Variants in PPP3R1 observed in about 807,000 individuals in gnomAD.
PPP3R1 encodes calcineurin subunit B type 1.
A neutral mutation model predicts 22.6 loss-of-function variants in PPP3R1; 5 were observed. The ratio of observed to expected loss-of-function variants is 0.22; its 90% CI spans 0.12 to 0.46. The LOEUF (loss-of-function observed/expected upper bound fraction) is 0.46, where lower values mean the gene tolerates loss of function less well. Among genes scored for constraint, PPP3R1 ranks in the 20% least tolerant of loss-of-function variants. The pLI, the probability that PPP3R1 is intolerant of heterozygous loss-of-function variation, is 0.99. For missense variants in PPP3R1, 61 were observed against 203.2 expected (o/e 0.30, Z 4.25); for synonymous variants, 56 against 65.2 (o/e 0.86, Z 0.68).
intron 2 of PPP3R1, among the ~76,000 whole-genome samples, chr2:68,206,655 C>T (rs1168679027): frequency 6.6e-6 from 1 of 152,126 alleles, no homozygotes; most frequent in African/African-American, 2.4e-5. Context: ...ATTTCCTTAA[C>T]CAAAGGTCAT....
chr2:68,226,980 T>C (rs1558639661), intron 1 of PPP3R1, among the ~76,000 whole-genome samples: 1 of 152,114 alleles, frequency 6.6e-6, no homozygotes, highest in African/African-American at 2.4e-5. Context: ...AAGTAATATT[T>C]ATAGTTCACA....
chr2:68,191,327 C>T (rs975706457), intron 2 of PPP3R1, among the ~76,000 whole-genome samples: 2 of 152,178 alleles, frequency 1.3e-5, no homozygotes, highest in Non-Finnish European at 2.9e-5. Flanking sequence ...GTACTGAATA[C>T]TGTAGGCAAT....
At chr2:68,191,644 A>C (rs61101396) in intron 2 of PPP3R1, among the ~76,000 whole-genome samples, 2,083 of 152,300 alleles carry the variant, frequency 0.014, 46 homozygotes, top group African/African-American at 0.048. Flanking sequence ...GCTCCATTAT[A>C]ATCTTACGGA....
intron 1 of PPP3R1, among the ~76,000 whole-genome samples, chr2:68,245,295 G>A (rs1352096656): frequency 6.6e-6 from 1 of 152,124 alleles, no homozygotes; most frequent in African/African-American, 2.4e-5. Context: ...CTGGGAGGTG[G>A]AGGCTGCAAT....
chr2:68,204,321 A>G (rs1675058036), intron 2 of PPP3R1, among the ~76,000 whole-genome samples: 1 of 94,710 alleles, frequency 1.1e-5, no homozygotes, highest in Non-Finnish European at 2.1e-5. Context: ...ATATACATAT[A>G]TATACACACA....
intron 2 of PPP3R1, among the ~76,000 whole-genome samples, chr2:68,190,856 G>A (rs115981587): frequency 2.0e-5 from 3 of 152,286 alleles, no homozygotes; most frequent in Non-Finnish European, 2.9e-5. Flanking sequence ...ACTTCAACCT[G>A]CACCATACCT....
Position 68,244,321 on chromosome 2 carries a change from T to C in PPP3R1, c.3+7804A>G, listed in dbSNP as rs367800038. 1.8e-4 allele frequency among the ~76,000 whole-genome samples: 28 copies of C among 152,340 alleles called. No homozygotes were observed. In the East Asian group the frequency reaches 3.5e-3, roughly 19 times the overall value. ...CCTAGCTACCATTTAGTTATATTTA[T>C]TTATTACCTTGTTAACTGCCTAACA... On this transcript the variant is annotated intron_variant, in intron 1 of 5. Transcript: ENST00000234310.
intron 2 of PPP3R1, among the ~76,000 whole-genome samples, chr2:68,198,233 GTA>G (rs1304132051): frequency 8.8e-6 from 1 of 113,704 alleles, no homozygotes; most frequent in African/African-American, 3.1e-5. Context: ...TTACATATAT[GTA>G]TACACATATG....
chr2:68,242,270 T>C (rs1324264155), intron 1 of PPP3R1, among the ~76,000 whole-genome samples: 5 of 151,898 alleles, frequency 3.3e-5, no homozygotes, highest in African/African-American at 1.2e-4. Flanking sequence ...CTACTAAAAA[T>C]ACAAAAATTA....
intron 2 of PPP3R1, among the ~76,000 whole-genome samples, chr2:68,206,391 T>C (rs1422404785): frequency 6.6e-6 from 1 of 152,196 alleles, no homozygotes; most frequent in Non-Finnish European, 1.5e-5. Flanking sequence ...AAGTTTCTCT[T>C]GTGGCAGGCA....
intron 1 of PPP3R1, among the ~76,000 whole-genome samples, chr2:68,229,920 A>G (rs749938151): frequency 1.5e-4 from 23 of 150,122 alleles, no homozygotes; most frequent in African/African-American, 5.7e-4. Context: ...GTATATGTGT[A>G]TATATATGTG....
chr2:68,225,078 A>G (rs1669756835), intron 1 of PPP3R1, among the ~76,000 whole-genome samples: 1 of 152,252 alleles, frequency 6.6e-6, no homozygotes, highest in African/African-American at 2.4e-5. Flanking sequence ...ATAAATGATT[A>G]TGTGGTGAAC....
intron 1 of PPP3R1, among the ~76,000 whole-genome samples, chr2:68,251,586 G>T (rs1170645133): frequency 6.6e-6 from 1 of 152,330 alleles, no homozygotes; most frequent in Non-Finnish European, 1.5e-5. Flanking sequence ...GAGTGGCAGG[G>T]TTCCCTGCCA....
chr2:68,198,297 GTATACA>G lies in PPP3R1; in HGVS notation c.44-9613_44-9608del, dbSNP rs1558631001. 6.5e-5 allele frequency among the ~76,000 whole-genome samples: 9 copies of G among 139,388 alleles called. No individual in the cohort carries two copies. The South Asian group carries it at 1.1e-3, about 17-fold the overall frequency. 91.4% of individuals were successfully genotyped at this position (139,388 alleles called of 152,430 possible). A position where few individuals can be genotyped will look rare whatever the true frequency, so the allele number is the denominator to read the frequency against. ...TGTATGCATGTATGTGTATACACAT[GTATACA>G]TGTATACATATATGTATATACATAT... On this transcript the variant is annotated intron_variant, in intron 2 of 5. Transcript: ENST00000234310.
intron 2 of PPP3R1, among the ~76,000 whole-genome samples, chr2:68,198,169 AC>A (rs1320804663): frequency 1.9e-4 from 28 of 145,478 alleles, no homozygotes; most frequent in Non-Finnish European, 9.0e-5. Context: ...GTAAATATAT[AC>A]ATACATGTAT....
At chr2:68,208,166 G>A (rs758031364) in intron 2 of PPP3R1, among the ~76,000 whole-genome samples, 1 of 152,006 alleles carries the variant, frequency 6.6e-6, no homozygotes, top group African/African-American at 2.4e-5. Context: ...AAAAACGCCC[G>A]ACTCACTGAC....
At position 68,221,307 on chromosome 2, in the gene PPP3R1, G is replaced by T. The variant is rs531487328; in HGVS notation, c.4-4176C>A. Among the ~76,000 whole-genome samples the T allele has an allele frequency of 1.1e-4, 17 of 152,132 alleles. No individual in the cohort carries two copies. The South Asian group carries it at 3.5e-3, about 32-fold the overall frequency. On this transcript the variant is annotated intron_variant, in intron 1 of 5. Coordinates refer to ENST00000234310, the MANE Select transcript of PPP3R1 (RefSeq NM_000945.4). The stretch of plus-strand genomic sequence containing the variant: ...ATTGCACCACTGCACTCCAGCCTGG[G>T]CAACAGAGCGAGACTCCACCTCAAA...
chr2:68,181,919 T>C (rs1464058153), intron 5 of PPP3R1, among the ~76,000 whole-genome samples: 1 of 152,188 alleles, frequency 6.6e-6, no homozygotes, highest in Non-Finnish European at 1.5e-5. Context: ...GTGTAGTATC[T>C]GTATCATTTG....
Position 68,182,082 on chromosome 2 carries a change from C to A in PPP3R1, c.466-1072G>T, listed in dbSNP as rs1368111587. ...TCTCCCCTCCTCCAACCCCCCCCTC[C>A]CCCCACCACACACACACGACCAGTA... On this transcript the variant is annotated intron_variant, in intron 5 of 5. Coordinates refer to ENST00000234310, the MANE Select transcript of PPP3R1 (RefSeq NM_000945.4). 8.7e-5 allele frequency among the ~76,000 whole-genome samples: 10 copies of A among 114,752 alleles called. No homozygotes were observed. The East Asian group carries it at 1.2e-3, about 14-fold the overall frequency. The allele number at this position is 114,752 out of a possible 152,430, so 75.3% of individuals were successfully genotyped here. A position where few individuals can be genotyped will look rare whatever the true frequency, so the allele number is the denominator to read the frequency against.
Sources: allele counts gnomAD v4.1 joint callset (sites outside exome capture counted in the v4.1 genomes callset), GRCh38; gene constraint gnomAD v4.1.1; transcripts MANE v1.5; gene names NCBI Gene and HGNC (gene_info 2026-07-23, HGNC 2026-07-21).